SEMA3D: variants seen among roughly 807,000 people sequenced by gnomAD.
SEMA3D encodes the protein semaphorin 3D, also known as semaphorin-3D.
SEMA3D carries 84 observed loss-of-function variants against 100.1 expected under a neutral mutation model. The ratio of observed to expected loss-of-function variants is 0.84; its 90% CI spans 0.70 to 1.01. The LOEUF (loss-of-function observed/expected upper bound fraction) is 1.01. Ranked by LOEUF, SEMA3D falls within the 50% of genes least tolerant of loss-of-function variation. The probability of loss-of-function intolerance (pLI) is 0.00; values close to 1 mark genes in which losing one functional copy is unlikely to be tolerated. For synonymous variants in SEMA3D, 312 were observed against 320.7 expected (o/e 0.97, Z 0.29); for missense variants, 875 against 934.1 (o/e 0.94, Z 0.82).
At chr7:85,196,792 CT>C in the SEMA3D span, among the ~76,000 whole-genome samples, 1 of 152,126 alleles carries the variant, frequency 6.6e-6, no homozygotes, top group Non-Finnish European at 1.5e-5. Context: ...CAATGTGATT[CT>C]ACTACATTCC....
the SEMA3D span, among the ~76,000 whole-genome samples, chr7:85,215,420 T>C: frequency 6.6e-6 from 1 of 152,152 alleles, no homozygotes; most frequent in African/African-American, 2.4e-5. Context: ...CAGCTTGAAT[T>C]CTCGGCCAAT....
chr7:85,142,664 GA>G, intron 2 of SEMA3D: 1 of 940,072 alleles, frequency 1.1e-6, no homozygotes, highest in Non-Finnish European at 1.3e-6. Context: ...AGAAAGCAAA[GA>G]AGGATGGCAT....
chr7:85,071,447 C>T (rs1791771544), intron 6 of SEMA3D, among the ~76,000 whole-genome samples: 1 of 152,164 alleles, frequency 6.6e-6, no homozygotes. Flanking sequence ...GAAACCTTTT[C>T]CATAAGCCCA....
chr7:85,169,580 G>A (rs1283888377), intron 1 of SEMA3D, among the ~76,000 whole-genome samples: 1 of 151,706 alleles, frequency 6.6e-6, no homozygotes, highest in Non-Finnish European at 1.5e-5. Flanking sequence ...AATCAATACT[G>A]CCACCTAAGA....
intron 12 of SEMA3D, chr7:85,029,511 G>C: frequency 1.6e-6 from 1 of 631,554 alleles, no homozygotes; most frequent in South Asian, 1.6e-5. Flanking sequence ...ACAAGAATCA[G>C]ACTGCAGAGA....
chr7:85,136,743 T>A (rs752932473), intron 2 of SEMA3D, among the ~76,000 whole-genome samples: 2 of 152,132 alleles, frequency 1.3e-5, no homozygotes, highest in Non-Finnish European at 2.9e-5. Context: ...ATTTTTATTA[T>A]CATTTAACTT....
At chr7:85,066,911 CACAGAGAG>C (rs1791639366) in intron 7 of SEMA3D, among the ~76,000 whole-genome samples, 1 of 90,574 alleles carries the variant, frequency 1.1e-5, no homozygotes, top group Non-Finnish European at 2.4e-5. Flanking sequence ...CACACACACA[CACAGAGAG>C]AGAGAGAGAG....
chr7:85,108,088 T>C (rs992571939), intron 3 of SEMA3D, among the ~76,000 whole-genome samples: 2 of 152,108 alleles, frequency 1.3e-5, no homozygotes, highest in African/African-American at 4.8e-5. Context: ...CAAATTCTTC[T>C]AAATAATTTT....
rs1790154811 is a variant in SEMA3D at position 85,144,766 on chromosome 7, A to G, written c.-41+8842T>C. 2 of 622,878 alleles carry G rather than the reference A, an allele frequency of 3.2e-6. 1 individual carries two copies. The highest frequency in any genetic ancestry group is 1.4e-4 in the South Asian group (2 of 14,120). 38.6% of individuals were successfully genotyped at this position (622,878 alleles called of 1,614,324 possible). ...TGAATGGTGTAAAGCAAATAATAAT[A>G]TTTCATAGAATTTGATTAGGATTTA... On this transcript the variant is annotated intron_variant, in intron 2 of 18. Transcript: ENST00000284136.
intron 2 of SEMA3D, among the ~76,000 whole-genome samples, chr7:85,135,801 A>G (rs1789848398): frequency 6.6e-6 from 1 of 151,054 alleles, no homozygotes; most frequent in African/African-American, 2.4e-5. Context: ...AAAAAATTAT[A>G]ATAAGAAAAT....
At chr7:85,165,575 C>T (rs1295778821) in intron 1 of SEMA3D, among the ~76,000 whole-genome samples, 1 of 152,088 alleles carries the variant, frequency 6.6e-6, no homozygotes, top group Non-Finnish European at 1.5e-5. Context: ...AGGCCAGTCA[C>T]TTTATTTGAG....
rs536618240 is a variant in SEMA3D at position 85,178,754 on chromosome 7, C to T, written c.-173+7924G>A. Among the ~76,000 whole-genome samples the T allele has an allele frequency of 7.9e-5, 12 of 152,260 alleles. No homozygotes were observed. In the South Asian group the frequency reaches 2.5e-3, roughly 32 times the overall value. ...AGGAGCCAAATGTTAAACATGAAGA[C>T]AATGGGGAAATGTCTCCAGGGCATG... On this transcript the variant is annotated intron_variant, in intron 1 of 18. Transcript: ENST00000284136.
At chr7:85,072,565 T>C (rs1791804230) in intron 6 of SEMA3D, among the ~76,000 whole-genome samples, 1 of 152,190 alleles carries the variant, frequency 6.6e-6, no homozygotes, top group Non-Finnish European at 1.5e-5. Flanking sequence ...TTTTAACATT[T>C]TACACTATTA....
At chr7:85,201,509 A>G in the SEMA3D span, among the ~76,000 whole-genome samples, 1 of 151,828 alleles carries the variant, frequency 6.6e-6, no homozygotes, top group Non-Finnish European at 1.5e-5. Context: ...TCATTTTGGG[A>G]TGTTTATTTT....
chr7:85,066,911 C>CAGAGAGAG (rs759461188), intron 7 of SEMA3D, among the ~76,000 whole-genome samples: 5 of 90,576 alleles, frequency 5.5e-5, no homozygotes, highest in East Asian at 4.6e-4. Flanking sequence ...CACACACACA[C>CAGAGAGAG]ACAGAGAGAG....
intron 17 of SEMA3D, among the ~76,000 whole-genome samples, chr7:85,007,490 G>A (rs1014370635): frequency 9.9e-5 from 15 of 151,618 alleles, no homozygotes; most frequent in African/African-American, 3.6e-4. Context: ...TCAATATCTG[G>A]GCCTTATCTG....
chr7:85,164,606 G>C (rs1790843068), intron 1 of SEMA3D, among the ~76,000 whole-genome samples: 1 of 152,136 alleles, frequency 6.6e-6, no homozygotes, highest in Admixed American at 6.6e-5. Context: ...TTCATCTGGT[G>C]CTGAAGTGAA....
intron 1 of SEMA3D, among the ~76,000 whole-genome samples, chr7:85,180,057 T>C (rs1791358427): frequency 6.6e-6 from 1 of 152,110 alleles, no homozygotes; most frequent in African/African-American, 2.4e-5. Context: ...AAGATGACAT[T>C]TGAGAGGGGT....
In SEMA3D at chr7:84,999,399, T is replaced by C. The variant is rs778881259; in HGVS notation, c.*41A>G. ...GATATACAAAACAGAAGGCAATGTT[T>C]TTATAGGTAAGGAATTCTTTTCTTT... On this transcript the variant is annotated 3_prime_UTR_variant, in exon 19 of 19. Coordinates refer to ENST00000284136, the MANE Select transcript of SEMA3D (RefSeq NM_001384900.1). 1.6e-5 allele frequency: 25 copies of C among 1,531,258 alleles called. No individual in the cohort carries two copies. In the African/African-American group the frequency reaches 2.1e-4, roughly 13 times the overall value. 94.9% of individuals were successfully genotyped at this position (1,531,258 alleles called of 1,614,324 possible).
Sources: gnomAD v4.1 joint callset for allele counts (sites outside exome capture counted in the v4.1 genomes callset) on GRCh38, gnomAD v4.1.1 for gene constraint, MANE v1.5 for transcripts, NCBI Gene and HGNC (gene_info 2026-07-23, HGNC 2026-07-21) for gene names.